The following GALNT10 variants were observed in gnomAD, a reference collection of about 807,000 sequenced individuals.
The protein encoded by GALNT10 is GalNAc transferase 10.
In GALNT10, 41 loss-of-function variants were observed where a neutral mutation model predicts 75.0. That is an observed-to-expected ratio of 0.55 (90% CI 0.43 to 0.71). The LOEUF (loss-of-function observed/expected upper bound fraction) is 0.71, where lower values mean the gene tolerates loss of function less well. GALNT10 is among the 30% of genes least tolerant of loss of function. The pLI, the probability that GALNT10 is intolerant of heterozygous loss-of-function variation, is 0.00. For missense variants in GALNT10, 727 were observed against 818.5 expected, an observed-to-expected ratio of 0.89 and a Z score of 1.36; for synonymous variants, 302 against 313.0, an observed-to-expected ratio of 0.96 and a Z score of 0.37.
chr5:154,210,633 G>A (rs137951556), intron 1 of GALNT10, among the ~76,000 whole-genome samples: 5 of 152,236 alleles, frequency 3.3e-5, no homozygotes, highest in African/African-American at 4.8e-5. Flanking sequence ...GGCTGTATCC[G>A]TTTTCCCCCC....
At chr5:154,274,541 G>A (rs1327980594) in intron 1 of GALNT10, among the ~76,000 whole-genome samples, 3 of 152,096 alleles carry the variant, frequency 2.0e-5, no homozygotes, top group African/African-American at 7.2e-5. Context: ...CTCAATAAAT[G>A]TGGGTCACCA....
At chr5:154,392,895 G>GT (rs1755931736) in intron 7 of GALNT10, 1 of 152,040 alleles carries the variant, frequency 6.6e-6, no homozygotes, top group African/African-American at 2.4e-5. Context: ...ATGCCCAGGA[G>GT]TTTATATAAG....
In GALNT10 at chr5:154,288,408, TTGTGTGTG is replaced by T. The variant is rs10534031; in HGVS notation, c.160-6380_160-6373del. ...GATTAAACAAAGATTAAAATTCCAT[TTGTGTGTG>T]TGTGTGTGTGTGTGTGTGTGTGTGT... On this transcript the variant is annotated intron_variant, in intron 1 of 11. Transcript: ENST00000297107. 1.9e-3 allele frequency among the ~76,000 whole-genome samples: 232 copies of T among 122,620 alleles called. 1 individual carries two copies. The highest frequency in any genetic ancestry group is 5.2e-3 in the African/African-American group (203 of 38,852). The allele number at this position is 122,620 out of a possible 152,430, so 80.4% of individuals were successfully genotyped here.
At chr5:154,396,201 T>TATGA (rs5872378) in intron 7 of GALNT10, among the ~76,000 whole-genome samples, 55,624 of 151,042 alleles carry the variant, frequency 0.37, 10,458 homozygotes, top group East Asian at 0.46. Context: ...CCAGATCATG[T>TATGA]ATGAATGAAT....
At chr5:154,210,987 CA>C (rs1398501391) in intron 1 of GALNT10, among the ~76,000 whole-genome samples, 1 of 152,124 alleles carries the variant, frequency 6.6e-6, no homozygotes, top group Non-Finnish European at 1.5e-5. Flanking sequence ...AGTGATAAAA[CA>C]GATGTGGAGA....
At chr5:154,282,783 C>A (rs991707107) in intron 1 of GALNT10, among the ~76,000 whole-genome samples, 3 of 152,300 alleles carry the variant, frequency 2.0e-5, no homozygotes, top group African/African-American at 7.2e-5. Flanking sequence ...CCTTGAGTGA[C>A]CTTTCCTTCA....
chr5:154,286,178 A>G (rs912583299), intron 1 of GALNT10, among the ~76,000 whole-genome samples: 1 of 152,076 alleles, frequency 6.6e-6, no homozygotes. Context: ...CCACCACCAC[A>G]CATACTTCTA....
intron 1 of GALNT10, among the ~76,000 whole-genome samples, chr5:154,212,622 G>A (rs1220680361): frequency 1.3e-5 from 2 of 152,180 alleles, no homozygotes; most frequent in African/African-American, 2.4e-5. Context: ...ACTTAAGCAC[G>A]ATGGCACAGC....
chr5:154,250,244 G>A (rs1056159231), intron 1 of GALNT10, among the ~76,000 whole-genome samples: 5 of 152,126 alleles, frequency 3.3e-5, no homozygotes, highest in Admixed American at 3.3e-4. Flanking sequence ...TGATGGCATG[G>A]AAACTATTTA....
chr5:154,325,429 C>T (rs1280370792), intron 3 of GALNT10, among the ~76,000 whole-genome samples: 1 of 151,824 alleles, frequency 6.6e-6, no homozygotes, highest in Non-Finnish European at 1.5e-5. Flanking sequence ...AACTATAGAC[C>T]AGCGTGCCTT....
At chr5:154,300,049 T>C (rs952074819) in intron 3 of GALNT10, among the ~76,000 whole-genome samples, 4 of 152,106 alleles carry the variant, frequency 2.6e-5, no homozygotes, top group African/African-American at 9.7e-5. Context: ...TTGCCTAGGC[T>C]GGTTTTGAAC....
intron 1 of GALNT10, among the ~76,000 whole-genome samples, chr5:154,290,558 C>G (rs1449941388): frequency 1.3e-5 from 2 of 152,112 alleles, no homozygotes; most frequent in Non-Finnish European, 2.9e-5. Flanking sequence ...TTCTTAAAAT[C>G]CTAAAGGAGT....
chr5:154,268,988 G>A (rs1381416495), intron 1 of GALNT10, among the ~76,000 whole-genome samples: 1 of 126,804 alleles, frequency 7.9e-6, no homozygotes, highest in African/African-American at 3.8e-5. Context: ...AAAAAATAGA[G>A]TTTATTTTGG....
intron 4 of GALNT10, among the ~76,000 whole-genome samples, chr5:154,340,094 T>G (rs938076269): frequency 6.6e-6 from 1 of 152,198 alleles, no homozygotes; most frequent in Admixed American, 6.5e-5. Flanking sequence ...AAAGCCACAG[T>G]TACTTTTGCA....
At chr5:154,302,216 T>G (rs185043775) in intron 3 of GALNT10, among the ~76,000 whole-genome samples, 11 of 152,372 alleles carry the variant, frequency 7.2e-5, no homozygotes, top group African/African-American at 2.6e-4. Context: ...AACTGAATTT[T>G]GGCAACAGCA....
intron 3 of GALNT10, among the ~76,000 whole-genome samples, chr5:154,316,472 C>T (rs904390271): frequency 1.3e-5 from 2 of 152,204 alleles, no homozygotes; most frequent in African/African-American, 4.8e-5. Context: ...AGGCACAGGC[C>T]TGGGCATGAG....
Position 154,402,529 on chromosome 5 carries a change from T to G in GALNT10, c.1057-1575T>G, listed in dbSNP as rs945159572. On this transcript the variant is annotated intron_variant, in intron 7 of 11. Coordinates refer to ENST00000297107, the MANE Select transcript of GALNT10 (RefSeq NM_198321.4). The surrounding 1 kb of genome is among the most constrained non-coding windows in gnomAD (Gnocchi z 4.2). ...GTTAGTTACCTATGCCAGGAAAAATTACCCCCAGAATCCATCTTAACACAA... is the reference window on the plus strand; with the variant it reads ...GTTAGTTACCTATGCCAGGAAAAATGACCCCCAGAATCCATCTTAACACAA... Among the ~76,000 whole-genome samples, 1 of 152,238 alleles carries G rather than the reference T, an allele frequency of 6.6e-6. No homozygotes were observed. The highest frequency in any genetic ancestry group is 6.5e-5 in the Admixed American group (1 of 15,286).
At chr5:154,226,770 G>C (rs1302939880) in intron 1 of GALNT10, among the ~76,000 whole-genome samples, 1 of 152,030 alleles carries the variant, frequency 6.6e-6, no homozygotes, top group African/African-American at 2.4e-5. Flanking sequence ...ACCACCTCAA[G>C]AAAATGACTA....
At chr5:154,305,224 A>G (rs940395332) in intron 3 of GALNT10, among the ~76,000 whole-genome samples, 1 of 152,032 alleles carries the variant, frequency 6.6e-6, no homozygotes, top group Non-Finnish European at 1.5e-5. Flanking sequence ...TGAGCCCGGA[A>G]GTTTGAGGCT....
Sources: gnomAD v4.1 joint callset for allele counts (sites outside exome capture counted in the v4.1 genomes callset) on GRCh38, gnomAD v4.1.1 for gene constraint, Gnocchi (gnomAD v3.1) non-coding constraint, MANE v1.5 for transcripts, NCBI Gene and HGNC (gene_info 2026-07-23, HGNC 2026-07-21) for gene names.